The following SRGAP3 variants were observed in gnomAD, a reference collection of about 807,000 sequenced individuals.
SRGAP3 encodes SLIT-ROBO Rho GTPase activating protein 3, also known as SLIT-ROBO Rho GTPase-activating protein 3.
SRGAP3 carries 39 observed loss-of-function variants against 121.1 expected under a neutral mutation model. That is an observed-to-expected ratio of 0.32 (90% CI 0.25 to 0.42). SRGAP3 has a LOEUF of 0.42. Ranked by LOEUF, SRGAP3 falls within the 10% of genes least tolerant of loss-of-function variation. The pLI is 1.00. For missense variants in SRGAP3, 1,213 were observed against 1,470.6 expected (o/e 0.82, Z 2.86); for synonymous variants, 601 against 570.0 (o/e 1.05, Z -0.77).
At chr3:9,280,742 C>T (rs1954660571) in intron 3 of SRGAP3, among the ~76,000 whole-genome samples, 1 of 152,186 alleles carries the variant, frequency 6.6e-6, no homozygotes, top group Admixed American at 6.5e-5. Flanking sequence ...TAATAGGATG[C>T]AGAATCTGCT....
At chr3:9,006,141 C>T (rs542304778) in intron 18 of SRGAP3, among the ~76,000 whole-genome samples, 2 of 152,096 alleles carry the variant, frequency 1.3e-5, no homozygotes, top group South Asian at 2.1e-4. Flanking sequence ...TGTCTCACAC[C>T]TGTAATCCCA....
At chr3:9,070,465 G>A (rs533509976) in intron 4 of SRGAP3, among the ~76,000 whole-genome samples, 1 of 152,356 alleles carries the variant, frequency 6.6e-6, no homozygotes, top group African/African-American at 2.4e-5. Flanking sequence ...CTGTACCAGA[G>A]CAGAGCCTGG....
intron 3 of SRGAP3, among the ~76,000 whole-genome samples, chr3:9,285,603 C>T (rs12631463): frequency 0.15 from 22,067 of 152,012 alleles, 1,896 homozygotes; most frequent in South Asian, 0.19. Context: ...TGTTCCACAA[C>T]CATACTTGTC....
chr3:9,121,728 C>T (rs183018268), intron 2 of SRGAP3, among the ~76,000 whole-genome samples: 2 of 152,352 alleles, frequency 1.3e-5, no homozygotes, highest in African/African-American at 4.8e-5. Flanking sequence ...CAATCCCTGC[C>T]TTTCTCCTCT....
At chr3:9,289,020 C>T (rs1482469742) in intron 3 of SRGAP3, among the ~76,000 whole-genome samples, 1 of 152,200 alleles carries the variant, frequency 6.6e-6, no homozygotes, top group Non-Finnish European at 1.5e-5. Context: ...CCTCAGCCTC[C>T]CAAGTAGCCG....
chr3:9,285,606 T>C (rs1371403923), intron 3 of SRGAP3, among the ~76,000 whole-genome samples: 2 of 152,092 alleles, frequency 1.3e-5, no homozygotes, highest in East Asian at 1.9e-4. Flanking sequence ...TCCACAACCA[T>C]ACTTGTCCGT....
At chr3:9,141,553 GGTGTGTGTGTGTGTGTGT>G (rs3067669) in intron 1 of SRGAP3, among the ~76,000 whole-genome samples, 246 of 138,456 alleles carry the variant, frequency 1.8e-3, no homozygotes, top group African/African-American at 5.1e-3. Context: ...TGACTTCAGG[GGTGTGTGTGTGTGTGTGT>G]GTGTGTGTGT....
chr3:9,179,514 T>C (rs1167874636), intron 1 of SRGAP3, among the ~76,000 whole-genome samples: 1 of 152,228 alleles, frequency 6.6e-6, no homozygotes, highest in Non-Finnish European at 1.5e-5. Flanking sequence ...GAAAATGTCA[T>C]CAGATGCCAT....
At chr3:9,003,719 C>T (rs2124992225) in intron 18 of SRGAP3, among the ~76,000 whole-genome samples, 1 of 151,978 alleles carries the variant, frequency 6.6e-6, no homozygotes, top group East Asian at 1.9e-4. Context: ...AGATAAAACA[C>T]TCAACAAACT....
rs533005514 is a variant in SRGAP3, at chr3:9,257,097, T to A, written n.442+68913A>T. 2.4e-4 allele frequency: 89 copies of A among 375,804 alleles called. 1 individual carries two copies. The highest frequency in any genetic ancestry group is 1.5e-3 in the African/African-American group (74 of 48,340). The allele number at this position is 375,804 out of a possible 1,614,324, so 23.3% of individuals were successfully genotyped here. A position where few individuals can be genotyped will look rare whatever the true frequency, so the allele number is the denominator to read the frequency against. ...GAACCTAAATGGGAAAGAAAGGTGT[T>A]ATATATTGCCCCTATGAAAGCCCAA... On this transcript the variant is annotated intron_variant and non_coding_transcript_variant, in intron 3 of 3. Transcript: ENST00000490889.
intron 12 of SRGAP3, among the ~76,000 whole-genome samples, chr3:9,031,228 G>A (rs1944465537): frequency 6.6e-6 from 1 of 152,166 alleles, no homozygotes; most frequent in African/African-American, 2.4e-5. Context: ...TTGAGGGAAG[G>A]GAGAGTAACT....
At position 8,992,953 on chromosome 3, in the gene SRGAP3, G is replaced by A. The variant is rs1364571197; in HGVS notation, c.2511C>T (p.Ser837=). 2 of 1,614,052 alleles carry A rather than the reference G, an allele frequency of 1.2e-6. No homozygotes were observed. Among genetic ancestry groups the A allele is most frequent in the Non-Finnish European group, 1.7e-6 (2 of 1,180,044 alleles). Residue 837 remains serine, a synonymous_variant, in exon 20 of 22, where the codon TCC becomes TCT. Coordinates refer to ENST00000383836, the MANE Select transcript of SRGAP3 (RefSeq NM_014850.4). The stretch of plus-strand genomic sequence containing the variant: ...CGTAATCCGAGATGTGCTCCGTGGG[G>A]GACTGGAGGTCGTTTTTGGAAGAGG... ...DKASSKNDLQ[S]PTEHISDYGF...
intron 3 of SRGAP3, chr3:9,292,755 T>A (rs567936531): frequency 6.6e-6 from 1 of 152,248 alleles, no homozygotes; most frequent in Admixed American, 6.5e-5. Flanking sequence ...GCTCTTTGGA[T>A]TAGTCTTTTT....
At chr3:9,219,194 T>C (rs1199273018) in intron 1 of SRGAP3, 2 of 152,126 alleles carry the variant, frequency 1.3e-5, no homozygotes. Flanking sequence ...GATTTTAGTC[T>C]GTATTGTTCT....
chr3:9,337,678 C>G (rs1955715046), intron 1 of SRGAP3: 1 of 152,268 alleles, frequency 6.6e-6, no homozygotes. Flanking sequence ...GCCTCAAGAA[C>G]TGTTGAGTCA....
intron 1 of SRGAP3, among the ~76,000 whole-genome samples, chr3:9,173,639 G>C (rs903092086): frequency 6.6e-6 from 1 of 151,984 alleles, no homozygotes. Flanking sequence ...CAACTCTGTC[G>C]CAATCCAGTG....
At chr3:9,334,065 TA>T in intron 1 of SRGAP3, among the ~76,000 whole-genome samples, 1 of 152,076 alleles carries the variant, frequency 6.6e-6, no homozygotes, top group East Asian at 1.9e-4. Flanking sequence ...ATATTAATAT[TA>T]ATATCATTTA....
intron 1 of SRGAP3, among the ~76,000 whole-genome samples, chr3:9,149,051 T>G (rs1450294322): frequency 6.6e-6 from 1 of 151,452 alleles, no homozygotes; most frequent in African/African-American, 2.4e-5. Flanking sequence ...CCATCTCTAC[T>G]AAAATACAAA....
intron 3 of SRGAP3, among the ~76,000 whole-genome samples, chr3:9,299,227 G>A (rs181641724): frequency 3.0e-4 from 45 of 151,364 alleles, no homozygotes; most frequent in African/African-American, 1.0e-3. Context: ...TGGGCATGCT[G>A]GTGCATGCCT....
Sources: gnomAD v4.1 joint callset for allele counts (sites outside exome capture counted in the v4.1 genomes callset) on GRCh38, gnomAD v4.1.1 for gene constraint, MANE v1.5 for transcripts, NCBI Gene and HGNC (gene_info 2026-07-23, HGNC 2026-07-21) for gene names.